SGCZ: variants seen among roughly 807,000 people sequenced by gnomAD.
The protein encoded by SGCZ is zeta-sarcoglycan.
Under a neutral mutation model 41.3 loss-of-function variants are expected in SGCZ, and 40 were observed. The ratio of observed to expected loss-of-function variants is 0.97; its 90% confidence interval spans 0.75 to 1.26. The LOEUF (loss-of-function observed/expected upper bound fraction) is 1.26, where lower values mean the gene tolerates loss of function less well. Ranked by LOEUF, SGCZ falls within the 50% of genes most tolerant of loss-of-function variation. SGCZ has a pLI of 0.00. For synonymous variants in SGCZ, 206 were observed against 137.5 expected (o/e 1.50, Z -3.49); for missense variants, 552 against 369.8 (o/e 1.49, Z -4.04).
chr8:14,097,830 T>C (rs1801891732), intron 7 of SGCZ, among the ~76,000 whole-genome samples: 1 of 152,214 alleles, frequency 6.6e-6, no homozygotes, highest in African/African-American at 2.4e-5. Context: ...TTAATCTCTT[T>C]ACCATTATGT....
chr8:14,545,194 A>G (rs1803587553), intron 2 of SGCZ, among the ~76,000 whole-genome samples: 2 of 152,246 alleles, frequency 1.3e-5, no homozygotes, highest in South Asian at 4.1e-4. Flanking sequence ...ACAGACTGAA[A>G]ACTAAATTTA....
At position 14,476,339 on chromosome 8, in the gene SGCZ, C is replaced by G. The variant is rs1801360017; in HGVS notation, c.234+78393G>C. 2.6e-5 allele frequency among the ~76,000 whole-genome samples: 4 copies of G among 152,228 alleles called. No homozygotes were observed. The South Asian group carries it at 8.3e-4, about 32-fold the overall frequency. Reference sequence around the variant, plus strand: ...TCCAGCTTACAGACAGAACACTGGACTTGTGGGCCTCCATAATAATGAATA... The same window carrying G: ...TCCAGCTTACAGACAGAACACTGGAGTTGTGGGCCTCCATAATAATGAATA... On this transcript the variant is annotated intron_variant, in intron 2 of 7. Coordinates refer to ENST00000382080, the MANE Select transcript of SGCZ (RefSeq NM_139167.4).
At chr8:14,838,318 C>A (rs1404595722) in intron 1 of SGCZ, among the ~76,000 whole-genome samples, 1 of 152,142 alleles carries the variant, frequency 6.6e-6, no homozygotes, top group African/African-American at 2.4e-5. Flanking sequence ...AAAAAAACAA[C>A]CCTCTCTGGC....
intron 1 of SGCZ, among the ~76,000 whole-genome samples, chr8:15,075,116 C>G (rs961937684): frequency 6.7e-6 from 1 of 148,980 alleles, no homozygotes; most frequent in Non-Finnish European, 1.5e-5. Flanking sequence ...TTCACAGTAG[C>G]TTATGTAAAT....
chr8:14,791,996 C>T (rs1048347949), intron 1 of SGCZ, among the ~76,000 whole-genome samples: 3 of 151,822 alleles, frequency 2.0e-5, no homozygotes, highest in African/African-American at 7.3e-5. Context: ...TGATGTAATC[C>T]ACTTGAAAAA....
At chr8:14,602,723 C>T (rs1478804015) in intron 1 of SGCZ, among the ~76,000 whole-genome samples, 2 of 152,058 alleles carry the variant, frequency 1.3e-5, no homozygotes, top group East Asian at 1.9e-4. Flanking sequence ...TTATTCTATA[C>T]TGTCGTTGTC....
chr8:15,046,686 A>G (rs1804314518), intron 1 of SGCZ, among the ~76,000 whole-genome samples: 1 of 152,012 alleles, frequency 6.6e-6, no homozygotes, highest in Admixed American at 6.6e-5. Context: ...GCTCATTGTT[A>G]CTGATGTGGC....
Position 14,437,323 on chromosome 8 carries a change from G to C in SGCZ, c.235-113119C>G, listed in dbSNP as rs193075565. On this transcript the variant is annotated intron_variant, in intron 2 of 7. Transcript: ENST00000382080. ...AGAAAACTTTAATAAATTACCACTT[G>C]TCAAGTTTTGCTGTAGTATCACAGA... 5.1e-3 allele frequency among the ~76,000 whole-genome samples: 769 copies of C among 152,200 alleles called. 7 individuals carry two copies. Among genetic ancestry groups the C allele is most frequent in the Non-Finnish European group, 8.8e-3 (596 of 67,978 alleles).
At chr8:14,356,705 A>C (rs1803308292) in intron 2 of SGCZ, among the ~76,000 whole-genome samples, 1 of 152,074 alleles carries the variant, frequency 6.6e-6, no homozygotes. Flanking sequence ...TTTGGAAAAA[A>C]TTAAACCTAT....
rs115136254 is a variant in SGCZ at position 14,823,647 on chromosome 8, G to A, written c.40-268721C>T. ...TTCTTGGGACTGTAAACTAGTACAT[G>A]CATTATGGAAAACAGTATAGGAGTT... On this transcript the variant is annotated intron_variant, in intron 1 of 7. Transcript: ENST00000382080. Among the ~76,000 whole-genome samples the A allele has an allele frequency of 3.3e-3, 508 of 152,206 alleles. 2 individuals carry two copies. Among genetic ancestry groups the A allele is most frequent in the African/African-American group, 0.012 (488 of 41,554 alleles).
intron 3 of SGCZ, among the ~76,000 whole-genome samples, chr8:14,267,293 T>C (rs1402782362): frequency 3.3e-5 from 5 of 151,958 alleles, no homozygotes; most frequent in Non-Finnish European, 7.4e-5. Context: ...GAGCTCAAAA[T>C]GAATCTAAGA....
chr8:14,927,738 T>C (rs919177445), intron 1 of SGCZ, among the ~76,000 whole-genome samples: 6 of 152,186 alleles, frequency 3.9e-5, no homozygotes, highest in African/African-American at 1.4e-4. Flanking sequence ...AATACATTCA[T>C]TGAAGACTTG....
Position 14,674,934 on chromosome 8 carries a change from T to C in SGCZ, c.40-120008A>G, listed in dbSNP as rs1267554211. On this transcript the variant is annotated intron_variant, in intron 1 of 7. Coordinates refer to ENST00000382080, the MANE Select transcript of SGCZ (RefSeq NM_139167.4). ...TTAACCTCTTTTCTTTTCTGTTTTT[T>C]TTTTTTTTTTTTTTTTTTTTTTGAG... Among the ~76,000 whole-genome samples, 204 of 70,996 alleles carry C rather than the reference T, an allele frequency of 2.9e-3. 11 individuals are homozygous for C. In the East Asian group the frequency reaches 0.036, roughly 12 times the overall value. The allele number at this position is 70,996 out of a possible 152,430, so 46.6% of individuals were successfully genotyped here.
chr8:14,871,917 T>C (rs1804169331), intron 1 of SGCZ, among the ~76,000 whole-genome samples: 2 of 151,156 alleles, frequency 1.3e-5, no homozygotes, highest in African/African-American at 2.4e-5. Context: ...TGTATATATA[T>C]GTGTGTGTAT....
At position 14,645,464 on chromosome 8, in the gene SGCZ, T is replaced by TTATATATATATATTTATATA. The variant is rs1554472093; in HGVS notation, c.40-90539_40-90538insTATATAAATATATATATATA. Among the ~76,000 whole-genome samples the TTATATATATATATTTATATA allele has an allele frequency of 4.4e-3, 463 of 105,158 alleles. 10 individuals are homozygous for TTATATATATATATTTATATA. The highest frequency in any genetic ancestry group is 0.015 in the African/African-American group (421 of 28,958). The allele number at this position is 105,158 out of a possible 152,430, so 69.0% of individuals were successfully genotyped here. A position where few individuals can be genotyped will look rare whatever the true frequency, so the allele number is the denominator to read the frequency against. On this transcript the variant is annotated intron_variant, in intron 1 of 7. Coordinates refer to ENST00000382080, the MANE Select transcript of SGCZ (RefSeq NM_139167.4). The stretch of plus-strand genomic sequence containing the variant: ...TGACCAATTAGAAAAGTATCATTGA[T>TTATATATATATATTTATATA]TATATATATATATTTATATGTATAT...
chr8:14,961,005 A>G (rs970862245), intron 1 of SGCZ, among the ~76,000 whole-genome samples: 1 of 151,966 alleles, frequency 6.6e-6, no homozygotes, highest in African/African-American at 2.4e-5. Context: ...TACATTTTAC[A>G]AAAGAAGAGA....
intron 2 of SGCZ, among the ~76,000 whole-genome samples, chr8:14,350,849 G>C (rs925033645): frequency 7.9e-5 from 12 of 152,090 alleles, no homozygotes; most frequent in Non-Finnish European, 1.8e-4. Context: ...CATTATTATT[G>C]TATCGTTTAA....
In SGCZ at chr8:14,171,140, G is replaced by C. The variant is rs1005208258; in HGVS notation, c.425-6438C>G. 6.3e-4 allele frequency among the ~76,000 whole-genome samples: 36 copies of C among 56,876 alleles called. 1 individual carries two copies. The highest frequency in any genetic ancestry group is 2.3e-3 in the African/African-American group (35 of 15,444). 37.3% of individuals were successfully genotyped at this position (56,876 alleles called of 152,430 possible). A position where few individuals can be genotyped will look rare whatever the true frequency, so the allele number is the denominator to read the frequency against. On this transcript the variant is annotated intron_variant, in intron 4 of 7. Coordinates refer to ENST00000382080, the MANE Select transcript of SGCZ (RefSeq NM_139167.4). ...TCTTGTTACTTTTTATTTCTAATATGTGTTTCATTAAAAAAAAAAAAAAAA... is the reference window on the plus strand; with the variant it reads ...TCTTGTTACTTTTTATTTCTAATATCTGTTTCATTAAAAAAAAAAAAAAAA...
intron 3 of SGCZ, among the ~76,000 whole-genome samples, chr8:14,276,583 C>G (rs1325419473): frequency 6.6e-6 from 1 of 152,134 alleles, no homozygotes; most frequent in African/African-American, 2.4e-5. Flanking sequence ...CCTATATCCA[C>G]TGGCTTGTTT....
Sources: allele counts gnomAD v4.1 joint callset (sites outside exome capture counted in the v4.1 genomes callset), GRCh38; gene constraint gnomAD v4.1.1; transcripts MANE v1.5; gene names NCBI Gene and HGNC (gene_info 2026-07-23, HGNC 2026-07-21).